GALNT13: variants seen among roughly 807,000 people sequenced by gnomAD.
GALNT13 encodes the protein UDP-GalNAc:polypeptide N-acetylgalactosaminyltransferase 13.
Under a neutral mutation model 64.2 loss-of-function variants are expected in GALNT13, and 28 were observed. That is an observed-to-expected ratio of 0.44 (90% CI 0.32 to 0.60). The LOEUF (loss-of-function observed/expected upper bound fraction) is 0.60. Among genes scored for constraint, GALNT13 ranks in the 20% least tolerant of loss-of-function variants. GALNT13 has a pLI of 0.05. For missense variants in GALNT13, 577 were observed against 669.8 expected (o/e 0.86, Z 1.53); for synonymous variants, 214 against 224.6 (o/e 0.95, Z 0.42).
chr2:154,426,898 T>A (rs1700494567), intron 11 of GALNT13, among the ~76,000 whole-genome samples: 1 of 152,164 alleles, frequency 6.6e-6, no homozygotes, highest in Non-Finnish European at 1.5e-5. Flanking sequence ...TCAATTCAAT[T>A]CATAATTGTT....
chr2:153,782,032 G>A, the GALNT13 span, among the ~76,000 whole-genome samples: 6 of 152,076 alleles, frequency 3.9e-5, no homozygotes, highest in Non-Finnish European at 5.9e-5. Context: ...GAGAGATCTT[G>A]AGGCCTGCTA....
chr2:153,933,970 C>T (rs1690717669), intron 2 of GALNT13, among the ~76,000 whole-genome samples: 2 of 152,082 alleles, frequency 1.3e-5, no homozygotes, highest in Admixed American at 1.3e-4. Context: ...CCATTATTAA[C>T]CAGATGGGGT....
intron 9 of GALNT13, among the ~76,000 whole-genome samples, chr2:154,317,275 T>G (rs953496718): frequency 1.5e-4 from 22 of 151,390 alleles, no homozygotes; most frequent in African/African-American, 5.1e-4. Context: ...GAGGAAGAGC[T>G]TAGACATTTG....
chr2:153,364,040 A>G, the GALNT13 span, among the ~76,000 whole-genome samples: 1 of 152,192 alleles, frequency 6.6e-6, no homozygotes, highest in Non-Finnish European at 1.5e-5. Flanking sequence ...TTTACTCATG[A>G]TAATTAAGTA....
chr2:154,029,837 T>A (rs1698228824), intron 3 of GALNT13, among the ~76,000 whole-genome samples: 1 of 152,120 alleles, frequency 6.6e-6, no homozygotes, highest in Non-Finnish European at 1.5e-5. Flanking sequence ...CATAGGTAAT[T>A]TTAGCAGGCA....
the GALNT13 span, among the ~76,000 whole-genome samples, chr2:153,806,877 A>G: frequency 6.6e-6 from 1 of 151,836 alleles, no homozygotes; most frequent in African/African-American, 2.4e-5. Context: ...AAGTTAGTCA[A>G]TGCCACAGAG....
intron 9 of GALNT13, among the ~76,000 whole-genome samples, chr2:154,388,201 C>T (rs1224040587): frequency 6.6e-6 from 1 of 152,100 alleles, no homozygotes; most frequent in East Asian, 1.9e-4. Context: ...TGTTTATGGG[C>T]CATTTGAATG....
chr2:153,355,287 T>C, the GALNT13 span, among the ~76,000 whole-genome samples: 1 of 152,196 alleles, frequency 6.6e-6, no homozygotes, highest in African/African-American at 2.4e-5. Context: ...ATGTAATATA[T>C]ATTACATTTT....
chr2:153,260,919 TA>T, the GALNT13 span, among the ~76,000 whole-genome samples: 5,312 of 152,230 alleles, frequency 0.035, 317 homozygotes, highest in African/African-American at 0.12. Flanking sequence ...CCTAGCTATG[TA>T]TTTTCAAATA....
At chr2:153,969,084 T>C (rs1693570637) in intron 3 of GALNT13, among the ~76,000 whole-genome samples, 1 of 152,170 alleles carries the variant, frequency 6.6e-6, no homozygotes, top group African/African-American at 2.4e-5. Flanking sequence ...GTCTTTGCTC[T>C]CATTACTTTT....
chr2:154,200,497 T>C (rs181044543), intron 4 of GALNT13, among the ~76,000 whole-genome samples: 1 of 152,292 alleles, frequency 6.6e-6, no homozygotes, highest in Non-Finnish European at 1.5e-5. Context: ...CAGAAATTTA[T>C]TTCTCACCTT....
At chr2:154,270,620 T>G (rs1691302030) in intron 8 of GALNT13, among the ~76,000 whole-genome samples, 2 of 151,908 alleles carry the variant, frequency 1.3e-5, no homozygotes, top group Non-Finnish European at 2.9e-5. Context: ...TGGGATAAAC[T>G]AGTCACATTG....
At chr2:153,379,175 C>T in the GALNT13 span, among the ~76,000 whole-genome samples, 6 of 152,138 alleles carry the variant, frequency 3.9e-5, no homozygotes, top group Non-Finnish European at 8.8e-5. Context: ...GAGCCAAGCT[C>T]ATTTTGAAAA....
At chr2:153,698,943 G>T in the GALNT13 span, among the ~76,000 whole-genome samples, 1 of 152,018 alleles carries the variant, frequency 6.6e-6, no homozygotes, top group South Asian at 2.1e-4. Context: ...TCACTCAAGG[G>T]GCTGGGCATG....
At chr2:153,754,975 T>C in the GALNT13 span, among the ~76,000 whole-genome samples, 4 of 152,150 alleles carry the variant, frequency 2.6e-5, no homozygotes, top group African/African-American at 9.7e-5. Context: ...TATAACAGGA[T>C]AGCACTGTGT....
chr2:154,091,648 AGTGTCTTCT>A (rs1701815895), intron 3 of GALNT13, among the ~76,000 whole-genome samples: 1 of 151,902 alleles, frequency 6.6e-6, no homozygotes, highest in Non-Finnish European at 1.5e-5. Flanking sequence ...TGTCATTTTC[AGTGTCTTCT>A]GTAATATGGG....
intron 1 of GALNT13, among the ~76,000 whole-genome samples, chr2:153,891,361 C>CA (rs1406555064): frequency 6.6e-6 from 1 of 151,562 alleles, no homozygotes; most frequent in Admixed American, 6.6e-5. Flanking sequence ...TTCCATGTGA[C>CA]TTTTTTTTTC....
intron 9 of GALNT13, among the ~76,000 whole-genome samples, chr2:154,309,454 C>A (rs1693915392): frequency 6.6e-6 from 1 of 152,184 alleles, no homozygotes; most frequent in African/African-American, 2.4e-5. Context: ...CACAATTCTG[C>A]AGGCTGGGAA....
intron 3 of GALNT13, among the ~76,000 whole-genome samples, chr2:154,076,469 C>CT (rs1700993597): frequency 6.6e-6 from 1 of 151,688 alleles, no homozygotes; most frequent in African/African-American, 2.4e-5. Flanking sequence ...GTTTGAGTAA[C>CT]TTACCCATAC....
Sources: allele counts gnomAD v4.1 joint callset (sites outside exome capture counted in the v4.1 genomes callset), GRCh38; gene constraint gnomAD v4.1.1; transcripts MANE v1.5; gene names NCBI Gene and HGNC (gene_info 2026-07-23, HGNC 2026-07-21).